The following TASP1 variants were observed in gnomAD, a reference collection of about 807,000 sequenced individuals.
TASP1 encodes threonine aspartase 1.
Under a neutral mutation model 56.6 loss-of-function variants are expected in TASP1, and 16 were observed. That is an observed-to-expected ratio of 0.28 (90% CI 0.19 to 0.43). The LOEUF is 0.43. Among genes scored for constraint, TASP1 ranks in the 20% least tolerant of loss-of-function variants. The pLI, the probability that TASP1 is intolerant of heterozygous loss-of-function variation, is 1.00. For missense variants in TASP1, 393 were observed against 511.6 expected (o/e 0.77, Z 2.24); for synonymous variants, 179 against 184.2 (o/e 0.97, Z 0.23).
chr20:13,264,223 C>T, the TASP1 span, among the ~76,000 whole-genome samples: 54 of 152,174 alleles, frequency 3.5e-4, no homozygotes, highest in Non-Finnish European at 7.2e-4. Context: ...TTCAAGAAGT[C>T]TGCCTGATTG....
the TASP1 span, among the ~76,000 whole-genome samples, chr20:13,200,466 A>T: frequency 9.9e-5 from 15 of 152,218 alleles, no homozygotes; most frequent in East Asian, 2.9e-3. Context: ...ATCACTGTAA[A>T]CCTCCAACTC....
At chr20:13,560,564 C>A (rs1347635526) in intron 7 of TASP1, among the ~76,000 whole-genome samples, 8 of 152,148 alleles carry the variant, frequency 5.3e-5, no homozygotes, top group African/African-American at 1.9e-4. Flanking sequence ...AAAGCAAATG[C>A]ATGCAGGCAA....
the TASP1 span, among the ~76,000 whole-genome samples, chr20:13,296,201 A>G: frequency 2.7e-3 from 415 of 152,120 alleles, 1 homozygote; most frequent in African/African-American, 6.5e-3. Flanking sequence ...TCCTCCACCC[A>G]TAGCATGTCC....
intron 13 of TASP1, among the ~76,000 whole-genome samples, chr20:13,411,928 G>GT (rs1286810797): frequency 4.6e-5 from 7 of 152,192 alleles, no homozygotes; most frequent in African/African-American, 2.4e-5. Flanking sequence ...AGCAGGAGAG[G>GT]TTTTTTAAAA....
chr20:13,374,030 C>G, the TASP1 span, among the ~76,000 whole-genome samples: 1 of 152,140 alleles, frequency 6.6e-6, no homozygotes, highest in East Asian at 1.9e-4. Context: ...CTGTTGAGCC[C>G]CTTTAATAAA....
intron 13 of TASP1, among the ~76,000 whole-genome samples, chr20:13,416,380 G>C (rs2042254442): frequency 6.6e-6 from 1 of 152,128 alleles, no homozygotes; most frequent in Admixed American, 6.5e-5. Context: ...TGAAGCAAAG[G>C]GGGAGGGTGG....
intron 11 of TASP1, among the ~76,000 whole-genome samples, chr20:13,440,100 C>T (rs914544237): frequency 2.6e-5 from 4 of 152,132 alleles, no homozygotes; most frequent in Non-Finnish European, 4.4e-5. Flanking sequence ...TTCTCAACAA[C>T]AGCAACACCT....
At chr20:13,141,884 G>A in the TASP1 span, among the ~76,000 whole-genome samples, 1 of 152,206 alleles carries the variant, frequency 6.6e-6, no homozygotes, top group East Asian at 1.9e-4. Flanking sequence ...CTTTTTGTGT[G>A]TGTGGACCTA....
chr20:13,596,847 A>G (rs1047099499), intron 4 of TASP1, among the ~76,000 whole-genome samples: 4 of 152,268 alleles, frequency 2.6e-5, no homozygotes, highest in East Asian at 1.9e-4. Flanking sequence ...ATGATAAAGA[A>G]GATATGACCA....
At chr20:13,431,550 A>G (rs576538856) in intron 12 of TASP1, among the ~76,000 whole-genome samples, 1 of 152,198 alleles carries the variant, frequency 6.6e-6, no homozygotes, top group South Asian at 2.1e-4. Flanking sequence ...AGATATAAGA[A>G]GGCAAATGTT....
chr20:13,205,181 C>T, the TASP1 span, among the ~76,000 whole-genome samples: 1 of 152,106 alleles, frequency 6.6e-6, no homozygotes, highest in Non-Finnish European at 1.5e-5. Flanking sequence ...GACCCATGCC[C>T]ACCTCTCCAA....
the TASP1 span, among the ~76,000 whole-genome samples, chr20:13,111,325 A>T: frequency 6.6e-6 from 1 of 152,136 alleles, no homozygotes; most frequent in East Asian, 1.9e-4. Flanking sequence ...CACTCTAGAC[A>T]TAGTAGTTCT....
chr20:13,312,093 A>G, the TASP1 span, among the ~76,000 whole-genome samples: 2 of 152,210 alleles, frequency 1.3e-5, no homozygotes, highest in African/African-American at 4.8e-5. Context: ...GAACATATAT[A>G]TATCTTAAAG....
At chr20:13,482,228 T>C (rs117689451) in intron 11 of TASP1, among the ~76,000 whole-genome samples, 252 of 152,242 alleles carry the variant, frequency 1.7e-3, no homozygotes, top group Non-Finnish European at 2.8e-3. Context: ...TCATTGTAGG[T>C]GTGTGGATTT....
chr20:13,139,944 T>G, the TASP1 span, among the ~76,000 whole-genome samples: 1 of 152,212 alleles, frequency 6.6e-6, no homozygotes. Context: ...CCACAACTAC[T>G]TCTAGTTTCT....
Position 13,620,029 on chromosome 20 carries a change from A to G in TASP1, c.282+3417T>C, listed in dbSNP as rs558534142. 3.3e-4 allele frequency among the ~76,000 whole-genome samples: 51 copies of G among 152,300 alleles called. No individual in the cohort carries two copies. In the South Asian group the frequency reaches 9.5e-3, roughly 28 times the overall value. Reference sequence around the variant, plus strand: ...CCTTCCCTCCCAAAACTCTAAAGGAAGAAGGTGGTCAATTTAATAGATAGG... The same window carrying G: ...CCTTCCCTCCCAAAACTCTAAAGGAGGAAGGTGGTCAATTTAATAGATAGG... On this transcript the variant is annotated intron_variant, in intron 4 of 13. Transcript: ENST00000337743.
At chr20:13,319,343 G>T in the TASP1 span, among the ~76,000 whole-genome samples, 13 of 152,224 alleles carry the variant, frequency 8.5e-5, no homozygotes, top group East Asian at 2.5e-3. Context: ...TGGCAGCCCG[G>T]GTATTTCTAC....
At chr20:13,627,001 T>C (rs767782118) in intron 2 of TASP1, among the ~76,000 whole-genome samples, 6 of 148,344 alleles carry the variant, frequency 4.0e-5, no homozygotes, top group East Asian at 2.0e-4. Flanking sequence ...CACTGACAAA[T>C]AGGATCTAGT....
chr20:13,231,598 C>T, the TASP1 span, among the ~76,000 whole-genome samples: 5 of 152,150 alleles, frequency 3.3e-5, no homozygotes, highest in South Asian at 2.1e-4. Context: ...TTTTGTAAAC[C>T]GAGTAGAAGT....
Sources: allele counts gnomAD v4.1 joint callset (sites outside exome capture counted in the v4.1 genomes callset), GRCh38; gene constraint gnomAD v4.1.1; transcripts MANE v1.5; gene names NCBI Gene and HGNC (gene_info 2026-07-23, HGNC 2026-07-21).